STAM2: variants seen among roughly 807,000 people sequenced by gnomAD.
STAM2 encodes signal transducing adaptor molecule 2.
Under a neutral mutation model 65.6 loss-of-function variants are expected in STAM2, and 51 were observed. The ratio of observed to expected loss-of-function variants is 0.78; its 90% confidence interval spans 0.62 to 0.98. The LOEUF is 0.98. STAM2 is among the 50% of genes least tolerant of loss of function. The pLI is 0.00. For missense variants in STAM2, 584 were observed against 617.8 expected, an observed-to-expected ratio of 0.95 and a Z score of 0.58; for synonymous variants, 198 against 208.4, an observed-to-expected ratio of 0.95 and a Z score of 0.43.
At chr2:152,158,547 A>G (rs940395167) in intron 1 of STAM2, among the ~76,000 whole-genome samples, 3 of 152,242 alleles carry the variant, frequency 2.0e-5, no homozygotes, top group African/African-American at 7.2e-5. Flanking sequence ...TGGATAATTT[A>G]GAGTAAACAG....
rs570739336 is a variant in STAM2 at position 152,152,142 on chromosome 2, T to C, written c.41-1913A>G. Among the ~76,000 whole-genome samples, 189 of 152,320 alleles carry C rather than the reference T, an allele frequency of 1.2e-3. 1 individual carries two copies. Among genetic ancestry groups the C allele is most frequent in the African/African-American group, 4.4e-3 (181 of 41,576 alleles). On this transcript the variant is annotated intron_variant, in intron 1 of 13. Coordinates refer to ENST00000263904, the MANE Select transcript of STAM2 (RefSeq NM_005843.6). ...TTTTTGTGGAGACGGGGTTTTGCCA[T>C]GTTGCCCAGGTTCGTCTCAAACTGC... is the stretch of plus-strand genomic sequence containing the variant.
intron 13 of STAM2, among the ~76,000 whole-genome samples, chr2:152,121,653 T>C (rs543023083): frequency 6.6e-6 from 1 of 152,284 alleles, no homozygotes; most frequent in Non-Finnish European, 1.5e-5. Flanking sequence ...AAACTATAGT[T>C]TCTTTATTGA....
chr2:152,146,759 G>A (rs1302099355), intron 5 of STAM2, among the ~76,000 whole-genome samples: 1 of 151,898 alleles, frequency 6.6e-6, no homozygotes, highest in African/African-American at 2.4e-5. Context: ...TTCTCTCTTT[G>A]GTATTAAGAT....
intron 11 of STAM2, among the ~76,000 whole-genome samples, chr2:152,130,477 T>G (rs1689039306): frequency 2.0e-5 from 3 of 151,842 alleles, no homozygotes; most frequent in African/African-American, 7.2e-5. Flanking sequence ...GGTCTCGATC[T>G]CCTGACCTCA....
intron 11 of STAM2, among the ~76,000 whole-genome samples, chr2:152,129,147 ATTT>A (rs201799004): frequency 1.7e-3 from 251 of 151,628 alleles, no homozygotes; most frequent in Non-Finnish European, 2.5e-3. Flanking sequence ...GGTCACTTTG[ATTT>A]TTTTTTCTTT....
At chr2:152,144,816 C>T (rs1163870964) in intron 6 of STAM2, 72 bp downstream of exon 6, 24 of 1,311,414 alleles carry the variant, frequency 1.8e-5, no homozygotes, top group Non-Finnish European at 2.4e-5. Flanking sequence ...GGATTACAGG[C>T]GTGAGCCACC....
intron 2 of STAM2, 53 bp from the exon 3 acceptor site, chr2:152,148,353 T>C: frequency 7.3e-7 from 1 of 1,373,228 alleles, no homozygotes; most frequent in Non-Finnish European, 1.0e-6. Flanking sequence ...ATAAATTTAA[T>C]TCAAACATTA....
chr2:152,132,929 A>G (rs1689090882), intron 10 of STAM2, among the ~76,000 whole-genome samples: 1 of 152,102 alleles, frequency 6.6e-6, no homozygotes. Flanking sequence ...TTTGGACTGC[A>G]AAAATCTTCA....
intron 12 of STAM2, 45 bp from the exon 13 acceptor site, chr2:152,123,980 T>A (rs1199257865): frequency 2.8e-5 from 42 of 1,484,616 alleles, no homozygotes; most frequent in Non-Finnish European, 3.5e-5. Flanking sequence ...CTCCCAAACA[T>A]GTGCCTAATA....
intron 1 of STAM2, among the ~76,000 whole-genome samples, chr2:152,160,640 G>A (rs529286805): frequency 4.0e-5 from 6 of 150,272 alleles, no homozygotes; most frequent in East Asian, 4.0e-4. Context: ...CGCCCCGTCC[G>A]GGAGGGCGGT....
intron 8 of STAM2, among the ~76,000 whole-genome samples, chr2:152,134,344 C>A (rs1416850139): frequency 6.6e-6 from 1 of 152,136 alleles, no homozygotes; most frequent in Non-Finnish European, 1.5e-5. Flanking sequence ...TATATAGAAT[C>A]CCCTGAGCAT....
intron 2 of STAM2, among the ~76,000 whole-genome samples, 198 bp from the exon 3 acceptor site, chr2:152,148,498 C>T (rs1398485604): frequency 6.6e-6 from 1 of 152,006 alleles, no homozygotes; most frequent in East Asian, 1.9e-4. Flanking sequence ...AGTAAGATCT[C>T]ATCTCTATAA....
chr2:152,132,596 T>C (rs1200552876), intron 10 of STAM2, among the ~76,000 whole-genome samples: 1 of 152,194 alleles, frequency 6.6e-6, no homozygotes, highest in Non-Finnish European at 1.5e-5. Context: ...ATGTGAACAC[T>C]GACACAATAA....
intron 13 of STAM2, among the ~76,000 whole-genome samples, chr2:152,122,072 A>ATGTGTGTGTGTG (rs766266255): frequency 2.8e-5 from 3 of 108,286 alleles, no homozygotes; most frequent in African/African-American, 9.7e-5. Context: ...ATATATATAT[A>ATGTGTGTGTGTG]TATATGTGTG....
At position 152,147,239 on chromosome 2, in the gene STAM2, G is replaced by C. The variant is rs566122155; in HGVS notation, c.370C>G (p.Pro124Ala). The stretch of plus-strand genomic sequence containing the variant: ...GTTGCAGATATCAGACTAAACTGAG[G>C]GTCCTTCTGAAATTCTTCTGACCAC... ...VEWSEEFQKD[P>A]QFSLISATIK... The change falls in exon 5 of 14, where the codon CCT becomes GCT. Residue 124 changes from proline (P) to alanine (A), a missense_variant. By Grantham distance (27) the Pro-to-Ala change is conservative (BLOSUM62 -1). Coordinates refer to ENST00000263904, the MANE Select transcript of STAM2 (RefSeq NM_005843.6). 1 of 1,611,176 alleles carries C rather than the reference G, an allele frequency of 6.2e-7. No homozygotes were observed. Among genetic ancestry groups the C allele is most frequent in the South Asian group, 1.1e-5 (1 of 90,598 alleles).
At chr2:152,123,142 G>C (rs566926728) in intron 13 of STAM2, among the ~76,000 whole-genome samples, 1 of 152,042 alleles carries the variant, frequency 6.6e-6, no homozygotes, top group South Asian at 2.1e-4. Context: ...GCTGAGGCGG[G>C]TGGAACATCA....
chr2:152,157,613 T>G (rs957573832), intron 1 of STAM2, among the ~76,000 whole-genome samples: 5 of 152,224 alleles, frequency 3.3e-5, no homozygotes, highest in African/African-American at 1.2e-4. Flanking sequence ...GATCTTGGAC[T>G]TGCAGGCCCC....
intron 11 of STAM2, among the ~76,000 whole-genome samples, chr2:152,129,007 C>A (rs1689012731): frequency 6.6e-6 from 1 of 152,210 alleles, no homozygotes; most frequent in South Asian, 2.1e-4. Context: ...TTTCCCAGAA[C>A]AGGAGCTGCA....
At chr2:152,134,020 A>C (rs968286754) in intron 8 of STAM2, among the ~76,000 whole-genome samples, 4 of 152,192 alleles carry the variant, frequency 2.6e-5, no homozygotes, top group Non-Finnish European at 5.9e-5. Flanking sequence ...TTAAAACAAC[A>C]CTAAACACAA....
Sources: allele counts gnomAD v4.1 joint callset (sites outside exome capture counted in the v4.1 genomes callset), GRCh38; gene constraint gnomAD v4.1.1; transcripts MANE v1.5; gene names NCBI Gene and HGNC (gene_info 2026-07-23, HGNC 2026-07-21).